The following ESR2 variants were observed in gnomAD, a reference collection of about 807,000 sequenced individuals.
The protein encoded by ESR2 is estrogen receptor beta.
ESR2 carries 36 observed loss-of-function variants against 49.6 expected under a neutral mutation model. The observed-to-expected ratio is 0.73, with a 90% CI of 0.56 to 0.96. The LOEUF is 0.96. Ranked by LOEUF, ESR2 falls within the 40% of genes least tolerant of loss-of-function variation. ESR2 has a pLI of 0.00. For missense variants in ESR2, 714 were observed against 693.0 expected, an observed-to-expected ratio of 1.03 and a Z score of -0.34; for synonymous variants, 320 against 266.1, an observed-to-expected ratio of 1.20 and a Z score of -1.97.
intron 3 of ESR2, among the ~76,000 whole-genome samples, chr14:64,269,777 T>C (rs941084273): frequency 6.6e-5 from 10 of 152,240 alleles, no homozygotes; most frequent in African/African-American, 2.2e-4. Context: ...TTGAACTTGT[T>C]AGTTATATAG....
At chr14:64,258,104 G>A (rs1359829441) in intron 5 of ESR2, among the ~76,000 whole-genome samples, 1 of 152,118 alleles carries the variant, frequency 6.6e-6, no homozygotes, top group Non-Finnish European at 1.5e-5. Context: ...AGATACTCTG[G>A]AGGCTGAAGT....
chr14:64,266,875 C>T (rs756012661), intron 4 of ESR2, among the ~76,000 whole-genome samples: 1 of 152,168 alleles, frequency 6.6e-6, no homozygotes, highest in Non-Finnish European at 1.5e-5. Flanking sequence ...AAACTTTCAA[C>T]TAAACTTCCT....
intron 1 of ESR2, among the ~76,000 whole-genome samples, chr14:64,327,855 C>T (rs1286736902): frequency 6.6e-6 from 1 of 151,490 alleles, no homozygotes; most frequent in African/African-American, 2.4e-5. Flanking sequence ...GGCAACAGAG[C>T]AAGCCTCCAT....
chr14:64,300,398 A>G (rs2140864103), intron 1 of ESR2, among the ~76,000 whole-genome samples: 1 of 152,112 alleles, frequency 6.6e-6, no homozygotes, highest in South Asian at 2.1e-4. Context: ...ACCCTCCCTC[A>G]TCTCAGTCTA....
downstream of ESR2, chr14:64,227,180 C>A (rs1567719535): frequency 3.5e-6 from 1 of 288,300 alleles, no homozygotes; most frequent in Admixed American, 4.9e-5. Flanking sequence ...ATCCCAGTCC[C>A]CTCCTCCCCT....
intron 4 of ESR2, among the ~76,000 whole-genome samples, chr14:64,262,402 A>C (rs1465444511): frequency 6.6e-6 from 1 of 152,190 alleles, no homozygotes; most frequent in Non-Finnish European, 1.5e-5. Context: ...GGCATAAGCC[A>C]CCACATCCGG....
intron 3 of ESR2, among the ~76,000 whole-genome samples, chr14:64,274,637 T>C (rs183320714): frequency 6.6e-6 from 1 of 152,272 alleles, no homozygotes; most frequent in East Asian, 1.9e-4. Flanking sequence ...ATTTCTTTTC[T>C]TCTATTAATT....
intron 4 of ESR2, among the ~76,000 whole-genome samples, chr14:64,263,651 AAAAT>A (rs557236670): frequency 5.3e-5 from 8 of 152,258 alleles, no homozygotes; most frequent in Admixed American, 2.0e-4. Context: ...TTGGGTTGAA[AAAAT>A]AAATAAATAA....
chr14:64,263,680 A>G (rs2076267852), intron 4 of ESR2, among the ~76,000 whole-genome samples: 1 of 152,100 alleles, frequency 6.6e-6, no homozygotes, highest in Non-Finnish European at 1.5e-5. Context: ...ATAAATAGAC[A>G]AACAATAAAA....
chr14:64,260,034 T>C (rs1400900779), intron 5 of ESR2: 2 of 429,582 alleles, frequency 4.7e-6, no homozygotes, highest in Admixed American at 2.5e-5. Flanking sequence ...CCTGGGTCCA[T>C]CCTCCCAGAC....
intron 1 of ESR2, among the ~76,000 whole-genome samples, chr14:64,318,806 G>T (rs2077291242): frequency 6.6e-6 from 1 of 152,060 alleles, no homozygotes; most frequent in Non-Finnish European, 1.5e-5. Context: ...ACTTTGGCAG[G>T]CCAAGGCAGG....
At chr14:64,305,798 A>G (rs931756322) in intron 1 of ESR2, among the ~76,000 whole-genome samples, 3 of 152,202 alleles carry the variant, frequency 2.0e-5, no homozygotes, top group Admixed American at 6.5e-5. Flanking sequence ...AGAACTACCT[A>G]TGTACAGATT....
upstream of ESR2, among the ~76,000 whole-genome samples, chr14:64,295,936 C>T (rs2076951053): frequency 6.6e-6 from 1 of 150,428 alleles, no homozygotes; most frequent in African/African-American, 2.5e-5. Context: ...CCCAGCTACT[C>T]AGGAGGCTGA....
At chr14:64,259,365 T>C (rs2076166151) in intron 5 of ESR2, among the ~76,000 whole-genome samples, 1 of 152,194 alleles carries the variant, frequency 6.6e-6, no homozygotes, top group African/African-American at 2.4e-5. Flanking sequence ...TCTTTACAGC[T>C]TGCCCAGTGC....
intron 4 of ESR2, among the ~76,000 whole-genome samples, chr14:64,264,645 G>T (rs2076289422): frequency 6.6e-6 from 1 of 151,906 alleles, no homozygotes. Flanking sequence ...CTGAGGCAAG[G>T]GGATCACTTG....
rs1052052351 is a variant in ESR2 at position 64,234,721 on chromosome 14, C to G, written c.1406+249G>C. On this transcript the variant is annotated intron_variant, in intron 8 of 8. Transcript: ENST00000341099. ...GGACTCCATAAACAGGCTATAAACCCCAGCAATTGAAAAACCCATGAGCCA... is the reference window on the plus strand; with the variant it reads ...GGACTCCATAAACAGGCTATAAACCGCAGCAATTGAAAAACCCATGAGCCA... 4 of 763,252 alleles carry G rather than the reference C, an allele frequency of 5.2e-6. No individual in the cohort carries two copies. The South Asian group carries it at 8.8e-5, about 17-fold the overall frequency. The allele number at this position is 763,252 out of a possible 1,614,324, so 47.3% of individuals were successfully genotyped here. A position where few individuals can be genotyped will look rare whatever the true frequency, so the allele number is the denominator to read the frequency against.
rs1188979470 is a variant in ESR2 at position 64,228,607 on chromosome 14, A to G, written c.*4530T>C. 6.6e-6 allele frequency among the ~76,000 whole-genome samples: 1 copy of G among 152,260 alleles called. No homozygotes were observed. Among genetic ancestry groups the G allele is most frequent in the Non-Finnish European group, 1.5e-5 (1 of 68,046 alleles). ...AAGTACACATTGAATGACAAAAGGT[A>G]TAGGACCAACAGTTAAGGCATTTAG... On this transcript the variant is annotated 3_prime_UTR_variant, in exon 9 of 9. Transcript: ENST00000341099.
rs775944471 is a variant in ESR2, at chr14:64,235,012, A to G, written c.1364T>C (p.Leu455Pro). ...GGACAGGAGCATCAGGAGGTTAGCCAGGCGCATGGATTGCTGCTGGGAGGA... is the reference window on the plus strand; with the variant it reads ...GGACAGGAGCATCAGGAGGTTAGCCGGGCGCATGGATTGCTGCTGGGAGGA... ...GISSQQQSMR[L>P]ANLLMLLSHV... Residue 455 changes from leucine to proline, a missense_variant, in exon 8 of 9, where the codon CTG becomes CCG. Transcript: ENST00000341099. The G allele has an allele frequency of 4.3e-6, 7 of 1,614,236 alleles. No individual in the cohort carries two copies. The Admixed American group carries it at 8.3e-5, about 19-fold the overall frequency.
chr14:64,329,313 CA>C (rs933522777), intron 1 of ESR2: 1 of 152,186 alleles, frequency 6.6e-6, no homozygotes, highest in Non-Finnish European at 1.5e-5. Flanking sequence ...CTTAACAACC[CA>C]AACACTTCCC....
Sources: allele counts gnomAD v4.1 joint callset (sites outside exome capture counted in the v4.1 genomes callset), GRCh38; gene constraint gnomAD v4.1.1; transcripts MANE v1.5; gene names NCBI Gene and HGNC (gene_info 2026-07-23, HGNC 2026-07-21).